Variants in RAP1GAP observed in about 807,000 individuals in gnomAD.
RAP1GAP encodes the protein rap1 GTPase-activating protein 1.
Under a neutral mutation model 87.2 loss-of-function variants are expected in RAP1GAP, and 35 were observed. The observed-to-expected ratio is 0.40, with a 90% CI of 0.31 to 0.53. The LOEUF (loss-of-function observed/expected upper bound fraction) is 0.53, where lower values mean the gene tolerates loss of function less well. Among genes scored for constraint, RAP1GAP ranks in the 20% least tolerant of loss-of-function variants. The pLI is 0.48. For missense variants in RAP1GAP, 734 were observed against 898.9 expected, an observed-to-expected ratio of 0.82 and a Z score of 2.35; for synonymous variants, 375 against 363.9, an observed-to-expected ratio of 1.03 and a Z score of -0.35.
intron 1 of RAP1GAP, among the ~76,000 whole-genome samples, chr1:21,652,719 C>T (rs576445644): frequency 1.1e-4 from 16 of 152,288 alleles, no homozygotes; most frequent in African/African-American, 2.6e-4. Flanking sequence ...CCCAGCTCGC[C>T]CAGAGCTCAC....
In RAP1GAP at chr1:21,618,056, A is replaced by G. The variant is rs190651314; in HGVS notation, c.67-84T>C. The G allele has an allele frequency of 3.5e-3, 5,432 of 1,546,088 alleles. 12 individuals carry two copies. The highest frequency in any genetic ancestry group is 4.9e-3 in the South Asian group (442 of 89,634). On this transcript the variant is annotated intron_variant, in intron 5 of 24. Coordinates refer to ENST00000374765, the MANE Select transcript of RAP1GAP (RefSeq NM_002885.4). ...AGCTGGCCTCTGCTTGGCCAGCCTC[A>G]GGGCTGAGAGTGCGGATGGGGCCCT...
intron 3 of RAP1GAP, among the ~76,000 whole-genome samples, chr1:21,624,589 A>T (rs972309055): frequency 2.0e-5 from 3 of 152,072 alleles, no homozygotes; most frequent in Admixed American, 6.5e-5. Context: ...ACCCCAGATG[A>T]ATCATTCAGT....
intron 17 of RAP1GAP, among the ~76,000 whole-genome samples, chr1:21,608,002 C>T (rs1165223256): frequency 2.0e-5 from 3 of 151,948 alleles, no homozygotes; most frequent in Non-Finnish European, 4.4e-5. Flanking sequence ...TTCGCCCCAG[C>T]CACGCCCCCT....
intron 2 of RAP1GAP, among the ~76,000 whole-genome samples, chr1:21,642,875 T>TAC (rs61497285): frequency 0.21 from 27,977 of 134,054 alleles, 2,994 homozygotes; most frequent in African/African-American, 0.29. Flanking sequence ...CCTTCCCCAC[T>TAC]ACACACACAC....
intron 3 of RAP1GAP, 143 bp from the exon 4 acceptor site, chr1:21,620,193 G>C: frequency 8.5e-6 from 7 of 826,294 alleles, no homozygotes; most frequent in Non-Finnish European, 1.4e-5. Context: ...AGTGACGGGA[G>C]CATCGTGGGA....
At chr1:21,606,248 C>A (rs1432990855) in intron 17 of RAP1GAP, 51 bp from the exon 18 acceptor site, 3 of 1,540,102 alleles carry the variant, frequency 1.9e-6, no homozygotes, top group South Asian at 1.2e-5. Context: ...AGGGCCGTCC[C>A]CTTGGGGAAA....
intron 20 of RAP1GAP, 31 bp downstream of exon 20, chr1:21,601,653 C>A (rs2068625453): frequency 5.9e-6 from 9 of 1,527,966 alleles, no homozygotes; most frequent in African/African-American, 1.4e-5. Flanking sequence ...CACTCCCAAG[C>A]CCCCAAGCCC....
intron 2 of RAP1GAP, among the ~76,000 whole-genome samples, chr1:21,628,906 G>C (rs1169570042): frequency 6.6e-6 from 1 of 151,902 alleles, no homozygotes; most frequent in Non-Finnish European, 1.5e-5. Flanking sequence ...AAAAAGGAGG[G>C]GGGAAGGGAG....
At chr1:21,656,442 A>C (rs113964686) in intron 1 of RAP1GAP, among the ~76,000 whole-genome samples, 9,717 of 141,366 alleles carry the variant, frequency 0.069, 720 homozygotes, top group East Asian at 0.2. Flanking sequence ...AAAAAAAAAA[A>C]AAAAAAAAAA....
intron 2 of RAP1GAP, among the ~76,000 whole-genome samples, chr1:21,632,245 C>T (rs1002765607): frequency 1.3e-5 from 2 of 152,182 alleles, no homozygotes; most frequent in East Asian, 1.9e-4. Flanking sequence ...GGGATGGGCC[C>T]GGCCGGAAGC....
At chr1:21,633,442 G>A (rs753567565) in intron 2 of RAP1GAP, among the ~76,000 whole-genome samples, 13 of 152,320 alleles carry the variant, frequency 8.5e-5, no homozygotes, top group Non-Finnish European at 1.9e-4. Context: ...AACCATTGAT[G>A]CTTTGAAATT....
intron 2 of RAP1GAP, among the ~76,000 whole-genome samples, chr1:21,637,518 G>C (rs1215367529): frequency 1.3e-5 from 2 of 152,042 alleles, no homozygotes; most frequent in Non-Finnish European, 2.9e-5. Context: ...CAGAGGCAAT[G>C]GATGTTAAAA....
At position 21,668,502 on chromosome 1, in the gene RAP1GAP, G is replaced by C. The variant is rs1002539183; in HGVS notation, c.-149+752C>G. ...TGGGGTCTGTTATGGTAGGGAGGGG[G>C]CCGCTCACCTCCGGAGACTGTGTGT... is the stretch of plus-strand genomic sequence containing the variant. On this transcript the variant is annotated intron_variant, in intron 1 of 24. Transcript: ENST00000374765. The surrounding 1 kb of genome is among the most constrained non-coding windows in gnomAD (Gnocchi z 6.2). The C allele has an allele frequency of 6.6e-6, 1 of 152,650 alleles. No homozygotes were observed. The highest frequency in any genetic ancestry group is 1.5e-5 in the Non-Finnish European group (1 of 68,434). 9.5% of individuals were successfully genotyped at this position (152,650 alleles called of 1,614,324 possible).
At chr1:21,635,356 C>G (rs1455570278) in intron 2 of RAP1GAP, among the ~76,000 whole-genome samples, 2 of 152,200 alleles carry the variant, frequency 1.3e-5, no homozygotes, top group Non-Finnish European at 2.9e-5. Flanking sequence ...CTCACCCACT[C>G]GGTCATCTAC....
At chr1:21,627,602 A>T (rs922406213) in intron 2 of RAP1GAP, among the ~76,000 whole-genome samples, 10 of 151,478 alleles carry the variant, frequency 6.6e-5, no homozygotes, top group Admixed American at 5.9e-4. Flanking sequence ...TTTAGTAGAG[A>T]CGGGGTTTCT....
rs867249559 is a variant in RAP1GAP at position 21,634,072 on chromosome 1, G to T, written c.-112-7675C>A. ...CTGCCCCCTCCCGGGGGGGGGGGGG[G>T]GCCACAGAAGCCCATTGTTTTCTGA... On this transcript the variant is annotated intron_variant, in intron 2 of 24. Coordinates refer to ENST00000374765, the MANE Select transcript of RAP1GAP (RefSeq NM_002885.4). This position sits in a 1 kb window ranked among gnomAD's most constrained non-coding sequence, Gnocchi z 4.1. 2.4e-5 allele frequency among the ~76,000 whole-genome samples: 3 copies of T among 126,780 alleles called. No individual in the cohort carries two copies. Among genetic ancestry groups the T allele is most frequent in the African/African-American group, 9.2e-5 (3 of 32,760 alleles). 83.2% of individuals were successfully genotyped at this position (126,780 alleles called of 152,430 possible).
intron 2 of RAP1GAP, among the ~76,000 whole-genome samples, chr1:21,635,286 C>T (rs2094504348): frequency 6.6e-6 from 1 of 152,310 alleles, no homozygotes; most frequent in African/African-American, 2.4e-5. Flanking sequence ...CATTGTCCCT[C>T]CCCAGCCTCC....
At chr1:21,657,574 G>A (rs999446065) in intron 1 of RAP1GAP, among the ~76,000 whole-genome samples, 7 of 152,230 alleles carry the variant, frequency 4.6e-5, no homozygotes, top group African/African-American at 1.7e-4. Context: ...CACCTCTCAT[G>A]TATTACAGGC....
chr1:21,660,352 T>TATATATATATATATA (rs1248298305), intron 1 of RAP1GAP, among the ~76,000 whole-genome samples: 20 of 85,896 alleles, frequency 2.3e-4, no homozygotes, highest in Non-Finnish European at 4.4e-4. Flanking sequence ...TATATATTTA[T>TATATATATATATATA]TGAGACAGTC....
Sources: gnomAD v4.1 joint callset for allele counts (sites outside exome capture counted in the v4.1 genomes callset) on GRCh38, gnomAD v4.1.1 for gene constraint, Gnocchi (gnomAD v3.1) non-coding constraint, MANE v1.5 for transcripts, NCBI Gene and HGNC (gene_info 2026-07-23, HGNC 2026-07-21) for gene names.